Variants in MICU1 observed in about 807,000 individuals in gnomAD.
The protein encoded by MICU1 is mitochondrial calcium uptake 1.
Under a neutral mutation model 56.8 loss-of-function variants are expected in MICU1, and 45 were observed. The observed-to-expected ratio is 0.79, with a 90% CI of 0.62 to 1.02. The LOEUF (loss-of-function observed/expected upper bound fraction) is 1.02, where lower values mean the gene tolerates loss of function less well. Ranked by LOEUF, MICU1 falls within the 50% of genes least tolerant of loss-of-function variation. The pLI is 0.00. For synonymous variants in MICU1, 186 were observed against 195.1 expected, an observed-to-expected ratio of 0.95 and a Z score of 0.39; for missense variants, 504 against 587.1, an observed-to-expected ratio of 0.86 and a Z score of 1.46.
rs537790672 is a variant in MICU1 at position 72,570,165 on chromosome 10, G to A, written c.-1-3371C>T. 1.3e-4 allele frequency among the ~76,000 whole-genome samples: 20 copies of A among 152,092 alleles called. No individual in the cohort carries two copies. The South Asian group carries it at 3.7e-3, about 28-fold the overall frequency. ...TTACCATATTGGCCAGGCTGGTCTC[G>A]AACTCCTGACCTCAAGTGATCTGCC... On this transcript the variant is annotated intron_variant, in intron 1 of 11. Coordinates refer to ENST00000361114, the MANE Select transcript of MICU1 (RefSeq NM_001195518.2).
At chr10:72,373,664 G>A (rs1249645549) in intron 11 of MICU1, among the ~76,000 whole-genome samples, 1 of 152,066 alleles carries the variant, frequency 6.6e-6, no homozygotes, top group Admixed American at 6.6e-5. Flanking sequence ...TCATTTTCCA[G>A]GACTTCTAGG....
At chr10:72,551,131 T>C (rs1476138535) in intron 4 of MICU1, 48 bp downstream of exon 4, 3 of 1,527,988 alleles carry the variant, frequency 2.0e-6, no homozygotes, top group African/African-American at 1.4e-5. Flanking sequence ...CAAAGTAGCC[T>C]ATAACAAAAT....
intron 5 of MICU1, among the ~76,000 whole-genome samples, chr10:72,519,457 T>G (rs1867752185): frequency 6.6e-6 from 1 of 152,194 alleles, no homozygotes; most frequent in South Asian, 2.1e-4. Context: ...GAAAGTAAAC[T>G]TATTATATAG....
chr10:72,580,042 G>C (rs1840856158), intron 1 of MICU1, among the ~76,000 whole-genome samples: 1 of 151,942 alleles, frequency 6.6e-6, no homozygotes, highest in African/African-American at 2.4e-5. Flanking sequence ...TTTAAAAAAT[G>C]CCATCTAAAT....
chr10:72,419,896 G>A (rs1864098082), intron 9 of MICU1, among the ~76,000 whole-genome samples: 3 of 152,100 alleles, frequency 2.0e-5, no homozygotes, highest in Admixed American at 2.0e-4. Flanking sequence ...CTCCCATAAT[G>A]CACATGTGTC....
chr10:72,482,958 C>T lies in MICU1; in HGVS notation c.653-5702G>A, dbSNP rs1029986991. On this transcript the variant is annotated intron_variant, in intron 6 of 11. Transcript: ENST00000361114. ...GCAACCTCCACCTCCCGTGTTCAAG[C>T]GATTCTCCTGCCTCAGCCTCCTGAG... Among the ~76,000 whole-genome samples, 10 of 151,734 alleles carry T rather than the reference C, an allele frequency of 6.6e-5. No individual in the cohort carries two copies. In the East Asian group the frequency reaches 1.7e-3, roughly 26 times the overall value.
rs1054305641 is a variant in MICU1, at chr10:72,367,954, T to C, written c.*241A>G. The stretch of plus-strand genomic sequence containing the variant: ...GGTGCTGTTGAGGCTGACAAATGTC[T>C]GAGCTTTACAGACTTGTTCATGTTT... On this transcript the variant is annotated 3_prime_UTR_variant, in exon 12 of 12. Coordinates refer to ENST00000361114, the MANE Select transcript of MICU1 (RefSeq NM_001195518.2). The C allele has an allele frequency of 6.7e-6, 3 of 446,080 alleles. No individual in the cohort carries two copies. Among genetic ancestry groups the C allele is most frequent in the African/African-American group, 5.8e-5 (3 of 51,756 alleles). The allele number at this position is 446,080 out of a possible 1,614,324, so 27.6% of individuals were successfully genotyped here.
At chr10:72,530,372 A>AATAATAATAATG (rs538954555) in intron 5 of MICU1, among the ~76,000 whole-genome samples, 38,356 of 143,742 alleles carry the variant, frequency 0.27, 6,451 homozygotes, top group Non-Finnish European at 0.38. Flanking sequence ...TAATAATAAT[A>AATAATAATAATG]ATGCCAGAAT....
chr10:72,605,989 G>T (rs1589384995), intron 1 of MICU1, among the ~76,000 whole-genome samples: 1 of 151,894 alleles, frequency 6.6e-6, no homozygotes, highest in Middle Eastern at 3.4e-3. Flanking sequence ...AAATTGGCTG[G>T]GCGTGGTGGC....
At chr10:72,397,117 G>C (rs567258444) in intron 10 of MICU1, among the ~76,000 whole-genome samples, 2 of 152,282 alleles carry the variant, frequency 1.3e-5, no homozygotes, top group East Asian at 3.9e-4. Context: ...AAGAGAGTGG[G>C]AGCCAATATT....
chr10:72,430,166 T>C (rs1864480091), intron 8 of MICU1, among the ~76,000 whole-genome samples: 1 of 152,174 alleles, frequency 6.6e-6, no homozygotes, highest in Non-Finnish European at 1.5e-5. Context: ...TTAACTTTAA[T>C]TTTCAGCAAG....
intron 8 of MICU1, among the ~76,000 whole-genome samples, chr10:72,457,180 T>C (rs1452444651): frequency 6.6e-6 from 1 of 151,772 alleles, no homozygotes; most frequent in African/African-American, 2.4e-5. Flanking sequence ...GCTCTAATTT[T>C]AGAAGGAGTG....
At chr10:72,598,179 T>A (rs1564955159) in intron 1 of MICU1, among the ~76,000 whole-genome samples, 1 of 152,160 alleles carries the variant, frequency 6.6e-6, no homozygotes, top group Non-Finnish European at 1.5e-5. Context: ...AATAGAGGAA[T>A]TAACAAAACA....
intron 11 of MICU1, among the ~76,000 whole-genome samples, chr10:72,374,808 C>CTTTTTTTT (rs34228174): frequency 5.2e-5 from 4 of 77,230 alleles, no homozygotes; most frequent in African/African-American, 1.6e-4. Flanking sequence ...CTACTATTAT[C>CTTTTTTTT]TTTTTTTTTT....
intron 8 of MICU1, among the ~76,000 whole-genome samples, chr10:72,470,919 T>C (rs553554912): frequency 6.6e-6 from 1 of 152,356 alleles, no homozygotes; most frequent in South Asian, 2.1e-4. Flanking sequence ...AGCCTACAGA[T>C]AGTTCCACAT....
chr10:72,565,366 A>C (rs1483498615), intron 2 of MICU1, among the ~76,000 whole-genome samples: 1 of 151,810 alleles, frequency 6.6e-6, no homozygotes, highest in Non-Finnish European at 1.5e-5. Flanking sequence ...GGAAACCATC[A>C]TTCTCAGCAA....
chr10:72,605,230 T>G (rs1427900593), intron 1 of MICU1, among the ~76,000 whole-genome samples: 2 of 152,206 alleles, frequency 1.3e-5, no homozygotes, highest in African/African-American at 4.8e-5. Context: ...TAAAAGGAAC[T>G]CCCACCAGCG....
At chr10:72,390,743 C>T (rs1462706287) in intron 10 of MICU1, among the ~76,000 whole-genome samples, 1 of 148,388 alleles carries the variant, frequency 6.7e-6, no homozygotes, top group African/African-American at 2.4e-5. Context: ...TCTACTCTGG[C>T]CTCACTCTTT....
intron 6 of MICU1, among the ~76,000 whole-genome samples, chr10:72,494,590 G>C (rs1027811623): frequency 1.1e-4 from 17 of 151,514 alleles, no homozygotes; most frequent in Admixed American, 9.9e-4. Context: ...TTCGTTATCA[G>C]TGTGATCTAC....
Sources: allele counts gnomAD v4.1 joint callset (sites outside exome capture counted in the v4.1 genomes callset), GRCh38; gene constraint gnomAD v4.1.1; transcripts MANE v1.5; gene names NCBI Gene and HGNC (gene_info 2026-07-23, HGNC 2026-07-21).